The following HMBOX1 variants were observed in gnomAD, a reference collection of about 807,000 sequenced individuals.
The protein encoded by HMBOX1 is homeobox-containing protein 1.
In HMBOX1, 14 loss-of-function variants were observed where a neutral mutation model predicts 54.5. The observed-to-expected ratio is 0.26, with a 90% confidence interval of 0.17 to 0.40. HMBOX1 has a LOEUF of 0.40. Ranked by LOEUF, HMBOX1 falls within the 10% of genes least tolerant of loss-of-function variation. HMBOX1 has a pLI of 1.00. For missense variants in HMBOX1, 332 were observed against 514.4 expected (o/e 0.65, Z 3.43); for synonymous variants, 160 against 181.0 (o/e 0.88, Z 0.93).
chr8:28,900,732 C>T (rs1813099361), intron 1 of HMBOX1, among the ~76,000 whole-genome samples: 1 of 151,900 alleles, frequency 6.6e-6, no homozygotes, highest in African/African-American at 2.4e-5. Flanking sequence ...TTTTTTTATT[C>T]CCACCTTTTG....
At chr8:28,930,310 T>C (rs1444651870) in intron 1 of HMBOX1, among the ~76,000 whole-genome samples, 1 of 152,172 alleles carries the variant, frequency 6.6e-6, no homozygotes, top group Non-Finnish European at 1.5e-5. Flanking sequence ...TATAAATTTC[T>C]TCCTTTCTGT....
chr8:28,920,465 G>A (rs945499601), intron 1 of HMBOX1, among the ~76,000 whole-genome samples: 5 of 152,132 alleles, frequency 3.3e-5, no homozygotes, highest in African/African-American at 9.7e-5. Context: ...TGGAAAAGAT[G>A]TAACTGTTAA....
chr8:28,910,211 T>C (rs563940586), intron 1 of HMBOX1, among the ~76,000 whole-genome samples: 5 of 152,342 alleles, frequency 3.3e-5, no homozygotes, highest in African/African-American at 1.2e-4. Flanking sequence ...CTAAGTGTAA[T>C]GTTTTTGAAG....
intron 4 of HMBOX1, among the ~76,000 whole-genome samples, chr8:28,998,774 C>A (rs1255498555): frequency 2.0e-5 from 3 of 151,778 alleles, no homozygotes; most frequent in Admixed American, 6.6e-5. Context: ...AATTTTAAAT[C>A]CCTTGTCATT....
chr8:29,007,245 C>T, intron 4 of HMBOX1, among the ~76,000 whole-genome samples: 1 of 151,608 alleles, frequency 6.6e-6, no homozygotes, highest in East Asian at 1.9e-4. Context: ...ACCGAGATCA[C>T]GCCACTGCAC....
chr8:28,961,052 T>C (rs1825507662), intron 1 of HMBOX1, among the ~76,000 whole-genome samples: 1 of 152,102 alleles, frequency 6.6e-6, no homozygotes, highest in Non-Finnish European at 1.5e-5. Flanking sequence ...CCCAAAGTGC[T>C]GGGATTACAG....
At chr8:29,007,313 A>G (rs901438520) in intron 4 of HMBOX1, among the ~76,000 whole-genome samples, 1 of 152,006 alleles carries the variant, frequency 6.6e-6, no homozygotes, top group African/African-American at 2.4e-5. Flanking sequence ...GAAAAAAAAA[A>G]GTAGTATTAA....
chr8:29,040,348 T>A (rs921021643), intron 6 of HMBOX1, among the ~76,000 whole-genome samples: 2 of 152,206 alleles, frequency 1.3e-5, no homozygotes, highest in African/African-American at 4.8e-5. Context: ...TGGTCTACCT[T>A]TATCTTCAAA....
chr8:29,013,413 C>T (rs900458619), intron 5 of HMBOX1, among the ~76,000 whole-genome samples: 3 of 152,222 alleles, frequency 2.0e-5, no homozygotes, highest in Non-Finnish European at 2.9e-5. Context: ...GGATTATAGG[C>T]ATGAGCCACC....
At chr8:28,898,933 G>A (rs1229517698) in intron 1 of HMBOX1, among the ~76,000 whole-genome samples, 1 of 152,178 alleles carries the variant, frequency 6.6e-6, no homozygotes, top group Admixed American at 6.5e-5. Context: ...CTTTTTATGA[G>A]GAGGGTTCTC....
chr8:28,925,501 A>G (rs1310913985), intron 1 of HMBOX1, among the ~76,000 whole-genome samples: 1 of 152,142 alleles, frequency 6.6e-6, no homozygotes, highest in African/African-American at 2.4e-5. Context: ...ATGTGGTGGT[A>G]ATGGGGAAAA....
intron 1 of HMBOX1, among the ~76,000 whole-genome samples, chr8:28,919,412 A>T (rs1585788335): frequency 6.6e-6 from 1 of 152,212 alleles, no homozygotes; most frequent in East Asian, 1.9e-4. Flanking sequence ...GATTCGGGAA[A>T]TGTTTTCTTC....
intron 1 of HMBOX1, among the ~76,000 whole-genome samples, chr8:28,941,234 T>C (rs370651498): frequency 3.9e-5 from 6 of 152,202 alleles, no homozygotes; most frequent in African/African-American, 1.4e-4. Context: ...AGAGATTGTA[T>C]ATGTTAACTC....
At chr8:29,049,529 C>A in intron 9 of HMBOX1, 1 of 1,321,724 alleles carries the variant, frequency 7.6e-7, no homozygotes, top group Non-Finnish European at 1.0e-6. Context: ...CAGTGGGAAC[C>A]CTCCTGCCCA....
chr8:28,983,474 T>A (rs776210259), intron 4 of HMBOX1, among the ~76,000 whole-genome samples: 8 of 152,254 alleles, frequency 5.3e-5, no homozygotes, highest in Non-Finnish European at 1.0e-4. Flanking sequence ...CATTTTAACT[T>A]CTTGACCAAT....
chr8:28,984,691 A>G (rs1829914237), intron 4 of HMBOX1, among the ~76,000 whole-genome samples: 1 of 152,238 alleles, frequency 6.6e-6, no homozygotes, highest in African/African-American at 2.4e-5. Flanking sequence ...TGGTAAGCAT[A>G]GTCTTTGCTT....
At chr8:28,976,306 A>G (rs963728069) in intron 3 of HMBOX1, among the ~76,000 whole-genome samples, 2 of 152,234 alleles carry the variant, frequency 1.3e-5, no homozygotes, top group South Asian at 2.1e-4. Context: ...TTTTGATTCT[A>G]TGTATTACAG....
chr8:29,038,460 G>A (rs1804275462), intron 6 of HMBOX1, among the ~76,000 whole-genome samples: 1 of 152,034 alleles, frequency 6.6e-6, no homozygotes, highest in Non-Finnish European at 1.5e-5. Context: ...ATTTTATATG[G>A]ACTAGAAGTA....
chr8:29,043,785 T>C (rs1236551501), intron 6 of HMBOX1, among the ~76,000 whole-genome samples: 1 of 152,144 alleles, frequency 6.6e-6, no homozygotes, highest in East Asian at 1.9e-4. Context: ...TCAGCCTAAG[T>C]AAATAGGCAT....
Sources: gnomAD v4.1 joint callset for allele counts (sites outside exome capture counted in the v4.1 genomes callset) on GRCh38, gnomAD v4.1.1 for gene constraint, MANE v1.5 for transcripts, NCBI Gene and HGNC (gene_info 2026-07-23, HGNC 2026-07-21) for gene names.